The following ROR2 variants were observed in gnomAD, a reference collection of about 807,000 sequenced individuals.
ROR2 encodes the protein tyrosine-protein kinase transmembrane receptor ROR2.
Under a neutral mutation model 74.9 loss-of-function variants are expected in ROR2, and 33 were observed. That is an observed-to-expected ratio of 0.44 (90% confidence interval 0.33 to 0.59). The LOEUF is 0.59. Among genes scored for constraint, ROR2 ranks in the 20% least tolerant of loss-of-function variants. The probability of loss-of-function intolerance (pLI) is 0.02; values close to 1 mark genes in which losing one functional copy is unlikely to be tolerated. For missense variants in ROR2, 1,216 were observed against 1,313.8 expected, an observed-to-expected ratio of 0.93 and a Z score of 1.15; for synonymous variants, 586 against 558.7, an observed-to-expected ratio of 1.05 and a Z score of -0.69.
At chr9:91,858,805 G>A (rs1000165029) in intron 1 of ROR2, among the ~76,000 whole-genome samples, 1 of 152,128 alleles carries the variant, frequency 6.6e-6, no homozygotes, top group Non-Finnish European at 1.5e-5. Flanking sequence ...TCTCCACAAG[G>A]ACCCGTGAGG....
chr9:91,757,507 G>A lies in ROR2; in HGVS notation c.228C>T (p.Gly76=). Residue 76 remains glycine (G), a synonymous_variant, in exon 3 of 9, where the codon GGC becomes GGT. Transcript: ENST00000375708. ...EPVNNITIVQ[G]QTAILHCKVA... is the part of the protein sequence containing the mutation. ...CCTTGCAGTGCAGAATTGCCGTCTG[G>A]CCTTGGACAATGGTGATATTGTTTA... 2 of 1,613,808 alleles carry A rather than the reference G, an allele frequency of 1.2e-6. No individual in the cohort carries two copies. Among genetic ancestry groups the A allele is most frequent in the South Asian group, 1.1e-5 (1 of 91,016 alleles).
intron 1 of ROR2, among the ~76,000 whole-genome samples, chr9:91,861,096 A>G (rs1829456354): frequency 6.6e-6 from 1 of 152,232 alleles, no homozygotes. Context: ...AACATTGTTG[A>G]AAGAAATTTT....
Position 91,905,798 on chromosome 9 carries a change from C to G in ROR2, c.97+44069G>C, listed in dbSNP as rs1448037106. Among the ~76,000 whole-genome samples the G allele has an allele frequency of 6.6e-6, 1 of 151,648 alleles. No individual in the cohort carries two copies. Among genetic ancestry groups the G allele is most frequent in the Non-Finnish European group, 1.5e-5 (1 of 67,934 alleles). On this transcript the variant is annotated intron_variant, in intron 1 of 8. Transcript: ENST00000375708. This position sits in a 1 kb window ranked among gnomAD's most constrained non-coding sequence, Gnocchi z 5.3. The stretch of plus-strand genomic sequence containing the variant: ...AGAAATTAAAGCAAATTTGAAAGCC[C>G]AAGAACTAAGAGAGGGAGCCAATCA...
chr9:91,886,690 G>T (rs1322108590), intron 1 of ROR2: 7 of 152,324 alleles, frequency 4.6e-5, no homozygotes, highest in African/African-American at 1.7e-4. Context: ...CCGGGATGAG[G>T]TTTCTCTTCT....
intron 1 of ROR2, among the ~76,000 whole-genome samples, chr9:91,935,515 C>G (rs994679802): frequency 6.6e-6 from 1 of 152,212 alleles, no homozygotes; most frequent in Non-Finnish European, 1.5e-5. Flanking sequence ...TTCCAGGTCC[C>G]GCATAAATCA....
At position 91,786,352 on chromosome 9, in the gene ROR2, A is replaced by C. The variant is rs12001791; in HGVS notation, c.98-10534T>G. 2.6e-3 allele frequency among the ~76,000 whole-genome samples: 199 copies of C among 77,416 alleles called. 1 individual carries two copies. The highest frequency in any genetic ancestry group is 9.9e-3 in the East Asian group (20 of 2,020). 50.8% of individuals were successfully genotyped at this position (77,416 alleles called of 152,430 possible). A position where few individuals can be genotyped will look rare whatever the true frequency, so the allele number is the denominator to read the frequency against. ...TCAATCAATCAATCAATCAATCAAT[A>C]AGTAAATAAATAAATAAATAAATAA... On this transcript the variant is annotated intron_variant, in intron 1 of 8. Transcript: ENST00000375708.
intron 1 of ROR2, among the ~76,000 whole-genome samples, chr9:91,806,497 A>G (rs1827551467): frequency 6.6e-6 from 1 of 152,228 alleles, no homozygotes; most frequent in Non-Finnish European, 1.5e-5. Context: ...GGAGACACAA[A>G]CATTCAGACC....
chr9:91,928,434 C>T lies in ROR2; in HGVS notation c.97+21433G>A, dbSNP rs548647306. 4.9e-4 allele frequency among the ~76,000 whole-genome samples: 75 copies of T among 152,348 alleles called. No homozygotes were observed. The South Asian group carries it at 5.8e-3, about 12-fold the overall frequency. On this transcript the variant is annotated intron_variant, in intron 1 of 8. Transcript: ENST00000375708. ...ACCATCACTGGGATGCCACCCACCA[C>T]GGTGTGGGACTGTGCCCTGGTGGCC...
chr9:91,940,995 C>CTTTT (rs11321454), intron 1 of ROR2, among the ~76,000 whole-genome samples: 11 of 110,740 alleles, frequency 9.9e-5, no homozygotes, highest in Non-Finnish European at 1.6e-4. Flanking sequence ...ATTTTTAATT[C>CTTTT]TTTTTTTTTT....
chr9:91,898,784 G>A (rs1410117010), intron 1 of ROR2, among the ~76,000 whole-genome samples: 1 of 152,218 alleles, frequency 6.6e-6, no homozygotes, highest in Non-Finnish European at 1.5e-5. Context: ...TCCAGCCCCA[G>A]TGCAGAAGGA....
At chr9:91,767,302 T>C (rs909927722) in intron 2 of ROR2, among the ~76,000 whole-genome samples, 1 of 152,088 alleles carries the variant, frequency 6.6e-6, no homozygotes, top group Non-Finnish European at 1.5e-5. Flanking sequence ...CTTGATCTCC[T>C]GACCTCGTGA....
At position 91,918,504 on chromosome 9, in the gene ROR2, G is replaced by C. The variant is rs185920826; in HGVS notation, c.97+31363C>G. Among the ~76,000 whole-genome samples the C allele has an allele frequency of 2.6e-5, 4 of 152,234 alleles. No individual in the cohort carries two copies. In the East Asian group the frequency reaches 7.7e-4, roughly 29 times the overall value. On this transcript the variant is annotated intron_variant, in intron 1 of 8. Coordinates refer to ENST00000375708, the MANE Select transcript of ROR2 (RefSeq NM_004560.4). The stretch of plus-strand genomic sequence containing the variant: ...CTTTTAAGACAAGTGTTTGACAGTA[G>C]GTAAATTAGGTTTGAACATAGGAAA...
intron 1 of ROR2, among the ~76,000 whole-genome samples, chr9:91,839,254 GTGTGT>G (rs1563991767): frequency 4.8e-4 from 17 of 35,784 alleles, no homozygotes; most frequent in Middle Eastern, 9.6e-3. Flanking sequence ...GATCGGGGGT[GTGTGT>G]GTGTGTGTGT....
At chr9:91,870,896 C>A (rs1365415413) in intron 1 of ROR2, among the ~76,000 whole-genome samples, 2 of 152,210 alleles carry the variant, frequency 1.3e-5, no homozygotes, top group East Asian at 3.8e-4. Context: ...AACACATGAT[C>A]TTCCTTTAGT....
intron 1 of ROR2, among the ~76,000 whole-genome samples, chr9:91,887,909 A>G (rs139412659): frequency 9.0e-5 from 13 of 145,106 alleles, no homozygotes; most frequent in African/African-American, 3.4e-4. Context: ...CTCCTGCCTC[A>G]GCCTCCTGCG....
intron 8 of ROR2, among the ~76,000 whole-genome samples, chr9:91,725,926 A>G (rs1837013576): frequency 6.6e-6 from 1 of 152,234 alleles, no homozygotes; most frequent in Admixed American, 6.5e-5. Context: ...GCCACCTTGA[A>G]GAGCCCCTGC....
chr9:91,767,081 T>A (rs34236310), intron 2 of ROR2, among the ~76,000 whole-genome samples: 4,711 of 144,334 alleles, frequency 0.033, 252 homozygotes, highest in African/African-American at 0.11. Context: ...TGACTTACGG[T>A]TTTTTTTTTT....
At chr9:91,816,063 G>A (rs746552588) in intron 1 of ROR2, among the ~76,000 whole-genome samples, 3 of 152,056 alleles carry the variant, frequency 2.0e-5, no homozygotes, top group South Asian at 4.1e-4. Context: ...GCAAACACCC[G>A]ATGCCATCTG....
intron 1 of ROR2, among the ~76,000 whole-genome samples, chr9:91,833,971 G>GGT (rs1194232240): frequency 1.3e-5 from 2 of 152,330 alleles, no homozygotes; most frequent in Admixed American, 1.3e-4. Context: ...CACAGGCTGA[G>GGT]GTCAGGGATG....
Sources: gnomAD v4.1 joint callset for allele counts (sites outside exome capture counted in the v4.1 genomes callset) on GRCh38, gnomAD v4.1.1 for gene constraint, Gnocchi (gnomAD v3.1) non-coding constraint, MANE v1.5 for transcripts, NCBI Gene and HGNC (gene_info 2026-07-23, HGNC 2026-07-21) for gene names.